SMOX: variants seen among roughly 807,000 people sequenced by gnomAD.
The protein encoded by SMOX is flavin containing amine oxidase.
A neutral mutation model predicts 51.0 loss-of-function variants in SMOX; 22 were observed. That is an observed-to-expected ratio of 0.43 (90% CI 0.31 to 0.62). The LOEUF is 0.62. SMOX is among the 20% of genes least tolerant of loss of function. The probability of loss-of-function intolerance (pLI) is 0.10; values close to 1 mark genes in which losing one functional copy is unlikely to be tolerated. For synonymous variants in SMOX, 282 were observed against 307.8 expected (o/e 0.92, Z 0.88); for missense variants, 566 against 777.7 (o/e 0.73, Z 3.24).
intron 2 of SMOX, among the ~76,000 whole-genome samples, chr20:4,176,682 G>A (rs1445264701): frequency 6.6e-6 from 1 of 152,194 alleles, no homozygotes; most frequent in Non-Finnish European, 1.5e-5. Flanking sequence ...CAGAGTATAT[G>A]ATGCCTTGGC....
At chr20:4,163,699 G>A (rs1039981168) in intron 1 of SMOX, among the ~76,000 whole-genome samples, 2 of 152,206 alleles carry the variant, frequency 1.3e-5, no homozygotes, top group African/African-American at 4.8e-5. Context: ...AGGAGGATTT[G>A]CTTCCAAGAT....
chr20:4,161,777 A>C (rs1986335478), intron 1 of SMOX, among the ~76,000 whole-genome samples: 1 of 152,182 alleles, frequency 6.6e-6, no homozygotes, highest in African/African-American at 2.4e-5. Flanking sequence ...CAGTATCCCC[A>C]GTGCCTCGGA....
Position 4,181,980 on chromosome 20 carries a change from T to C in SMOX, c.609+4T>C, listed in dbSNP as rs1332951856. 6.2e-7 allele frequency: 1 copy of C among 1,613,660 alleles called. No individual in the cohort carries two copies. Among genetic ancestry groups the C allele is most frequent in the Non-Finnish European group, 8.5e-7 (1 of 1,179,820 alleles). ...CATGATCCAGCAGTACCTGAAGGTA[T>C]CTTGAGGAAGACGGATTCTGGGGGC... On this transcript the variant is annotated splice_donor_region_variant and intron_variant, in intron 4 of 6. Transcript: ENST00000305958. The surrounding 1 kb of genome is among the most constrained non-coding windows in gnomAD (Gnocchi z 5.6).
In SMOX at chr20:4,183,102, A is replaced by G; in HGVS notation, c.1369+254A>G. 1 of 599,026 alleles carries G rather than the reference A, an allele frequency of 1.7e-6. No homozygotes were observed. Among genetic ancestry groups the G allele is most frequent in the Non-Finnish European group, 2.9e-6 (1 of 343,650 alleles). The allele number at this position is 599,026 out of a possible 1,614,324, so 37.1% of individuals were successfully genotyped here. Reference sequence around the variant, plus strand: ...TAAAGGCTGATGGTAAAACACTCAGAGATCACCGCCCATTGTGCTCTGTTG... The same window carrying G: ...TAAAGGCTGATGGTAAAACACTCAGGGATCACCGCCCATTGTGCTCTGTTG... On this transcript the variant is annotated intron_variant, in intron 5 of 6. Coordinates refer to ENST00000305958, the MANE Select transcript of SMOX (RefSeq NM_175839.3). This position sits in a 1 kb window ranked among gnomAD's most constrained non-coding sequence, Gnocchi z 4.3.
Position 4,182,443 on chromosome 20 carries a change from C to T in SMOX, c.964C>T (p.Leu322=). Residue 322 remains leucine, a synonymous_variant, in exon 5 of 7, where the codon CTG becomes TTG. Coordinates refer to ENST00000305958, the MANE Select transcript of SMOX (RefSeq NM_175839.3). This position sits in a 1 kb window ranked among gnomAD's most constrained non-coding sequence, Gnocchi z 8.4. ...GGTGGTGGAGTGCGAGGACTGTGAGCTGATCCCGGCGGACCATGTGATTGT... is the reference window on the plus strand; with the variant it reads ...GGTGGTGGAGTGCGAGGACTGTGAGTTGATCCCGGCGGACCATGTGATTGT... ...SVVVECEDCE[L]IPADHVIVTV... is the part of the protein sequence containing the mutation. 6.2e-7 allele frequency: 1 copy of T among 1,600,798 alleles called. No homozygotes were observed. Among genetic ancestry groups the T allele is most frequent in the South Asian group, 1.1e-5 (1 of 88,214 alleles).
chr20:4,170,112 TG>T lies in SMOX; in HGVS notation c.-26-4915del. 9.1e-6 allele frequency among the ~76,000 whole-genome samples: 1 copy of T among 110,352 alleles called. No individual in the cohort carries two copies. 72.4% of individuals were successfully genotyped at this position (110,352 alleles called of 152,430 possible). On this transcript the variant is annotated intron_variant, in intron 1 of 6. Transcript: ENST00000305958. This position sits in a 1 kb window ranked among gnomAD's most constrained non-coding sequence, Gnocchi z 4.6. ...TGTGCTTATCCTTGGAGGGTGGGGC[TG>T]GGAGATTGAGACCCGCATGGGTGAG... is the stretch of plus-strand genomic sequence containing the variant.
In SMOX at chr20:4,182,875, TC is replaced by T; in HGVS notation, c.1369+32del. 6.3e-7 allele frequency: 1 copy of T among 1,583,400 alleles called. No individual in the cohort carries two copies. Among genetic ancestry groups the T allele is most frequent in the Non-Finnish European group, 8.5e-7 (1 of 1,169,684 alleles). On this transcript the variant is annotated intron_variant, in intron 5 of 6. Coordinates refer to ENST00000305958, the MANE Select transcript of SMOX (RefSeq NM_175839.3). This position sits in a 1 kb window ranked among gnomAD's most constrained non-coding sequence, Gnocchi z 8.4. ...TGCGCCACGTGCCCCACGACCCGCT[TC>T]CCCCACCCTGCTTCTTCCTCACCTG...
rs1446671962 is a variant in SMOX at position 4,172,340 on chromosome 20, GC to G, written c.-26-2687del. Among the ~76,000 whole-genome samples the G allele has an allele frequency of 6.6e-6, 1 of 152,198 alleles. No homozygotes were observed. Among genetic ancestry groups the G allele is most frequent in the Non-Finnish European group, 1.5e-5 (1 of 68,028 alleles). ...TTTACCGACCTGACGCAGCGTCCCGGCCCGGCTGGCAGACATCCGGCGGCAT... is the reference window on the plus strand; with the variant it reads ...TTTACCGACCTGACGCAGCGTCCCGGCCGGCTGGCAGACATCCGGCGGCAT... On this transcript the variant is annotated intron_variant, in intron 1 of 6. Coordinates refer to ENST00000305958, the MANE Select transcript of SMOX (RefSeq NM_175839.3). The surrounding 1 kb of genome is among the most constrained non-coding windows in gnomAD (Gnocchi z 7.7).
chr20:4,162,222 C>A (rs374194649), intron 1 of SMOX, among the ~76,000 whole-genome samples: 2 of 152,166 alleles, frequency 1.3e-5, no homozygotes, highest in Non-Finnish European at 2.9e-5. Context: ...CCCCACCTGA[C>A]GCTGGAAGGC....
intron 1 of SMOX, among the ~76,000 whole-genome samples, chr20:4,164,583 TCGTCAAATGAAA>T (rs1986472472): frequency 6.6e-6 from 1 of 152,188 alleles, no homozygotes; most frequent in Non-Finnish European, 1.5e-5. Flanking sequence ...TTAAGTTGGG[TCGTCAAATGAAA>T]CATAAGGAAA....
chr20:4,152,695 T>A (rs34581017), intron 1 of SMOX, among the ~76,000 whole-genome samples: 42,729 of 152,016 alleles, frequency 0.28, 6,862 homozygotes, highest in East Asian at 0.44. Context: ...AGGGCCCTGG[T>A]ATATTCACTG....
intron 1 of SMOX, among the ~76,000 whole-genome samples, chr20:4,155,263 G>A (rs1985955997): frequency 6.6e-6 from 1 of 152,146 alleles, no homozygotes; most frequent in South Asian, 2.1e-4. Flanking sequence ...CAGCTGCCGG[G>A]CCATCACCCC....
At position 4,187,549 on chromosome 20, in the gene SMOX, C is replaced by A; in HGVS notation, c.*142C>A. The A allele has an allele frequency of 8.0e-7, 1 of 1,246,766 alleles. No individual in the cohort carries two copies. Among genetic ancestry groups the A allele is most frequent in the Non-Finnish European group, 1.1e-6 (1 of 912,016 alleles). The allele number at this position is 1,246,766 out of a possible 1,614,324, so 77.2% of individuals were successfully genotyped here. A position where few individuals can be genotyped will look rare whatever the true frequency, so the allele number is the denominator to read the frequency against. On this transcript the variant is annotated 3_prime_UTR_variant, in exon 7 of 7. Transcript: ENST00000305958. This position sits in a 1 kb window ranked among gnomAD's most constrained non-coding sequence, Gnocchi z 4.8. The stretch of plus-strand genomic sequence containing the variant: ...CTAGCCGCCCTGACTGCCTTCAGAC[C>A]TGGCCCTGTAGCTTTTCTTTTTCTC...
chr20:4,163,773 G>C (rs1986439205), intron 1 of SMOX, among the ~76,000 whole-genome samples: 1 of 152,226 alleles, frequency 6.6e-6, no homozygotes, highest in Non-Finnish European at 1.5e-5. Flanking sequence ...TCCGTGCCCT[G>C]TGGGCTGCCC....
At chr20:4,169,943 G>C (rs1296337851) in intron 1 of SMOX, among the ~76,000 whole-genome samples, 1 of 152,132 alleles carries the variant, frequency 6.6e-6, no homozygotes, top group Non-Finnish European at 1.5e-5. Context: ...TTTTGGCGGG[G>C]AGTTGTGATT....
rs192158406 is a variant in SMOX, at chr20:4,150,812, A to G, written c.-27+1835A>G. ...GCCTTCCCATCTCAGTGAATCGCCCATCATCTACTCACTTTTTTTTTTTTT... is the reference window on the plus strand; with the variant it reads ...GCCTTCCCATCTCAGTGAATCGCCCGTCATCTACTCACTTTTTTTTTTTTT... On this transcript the variant is annotated intron_variant, in intron 1 of 6. Transcript: ENST00000305958. Among the ~76,000 whole-genome samples the G allele has an allele frequency of 1.9e-4, 27 of 145,666 alleles. No homozygotes were observed. The East Asian group carries it at 5.0e-3, about 27-fold the overall frequency.
chr20:4,175,262 TG>T lies in SMOX; in HGVS notation c.208+1del, dbSNP rs780320231. On this transcript the variant is annotated frameshift_variant and splice_region_variant, in exon 2 of 7. Coordinates refer to ENST00000305958, the MANE Select transcript of SMOX (RefSeq NM_175839.3). LOFTEE classifies it high-confidence loss of function. Reference protein sequence around the residue: ...IGGRVQSVKLGHATFELGATW... With the variant: ...IGGRVQSVKLXHATFELGATW... ...GAGGCCGTGTGCAGAGTGTGAAACTTGGTAAGTGCCACCCAGTCCAGCCCAG... is the reference window on the plus strand; with the variant it reads ...GAGGCCGTGTGCAGAGTGTGAAACTTGTAAGTGCCACCCAGTCCAGCCCAG... The T allele has an allele frequency of 6.2e-7, 1 of 1,613,898 alleles. No individual in the cohort carries two copies. Among genetic ancestry groups the T allele is most frequent in the Admixed American group, 1.7e-5 (1 of 60,016 alleles).
chr20:4,169,102 C>T (rs1199681268), intron 1 of SMOX, among the ~76,000 whole-genome samples: 1 of 152,002 alleles, frequency 6.6e-6, no homozygotes, highest in Admixed American at 6.6e-5. Context: ...TACATTTCAC[C>T]ACAACTGGCT....
intron 1 of SMOX, among the ~76,000 whole-genome samples, chr20:4,163,976 G>T (rs1051223003): frequency 6.6e-6 from 1 of 152,326 alleles, no homozygotes; most frequent in South Asian, 2.1e-4. Context: ...ATCCCAGGAG[G>T]TAGGGATCAT....
Sources: allele counts gnomAD v4.1 joint callset (sites outside exome capture counted in the v4.1 genomes callset), GRCh38; gene constraint gnomAD v4.1.1; non-coding constraint Gnocchi (gnomAD v3.1); transcripts MANE v1.5; gene names NCBI Gene and HGNC (gene_info 2026-07-23, HGNC 2026-07-21).